The following ZNF385D variants were observed in gnomAD, a reference collection of about 807,000 sequenced individuals.
ZNF385D encodes zinc finger protein 659.
A neutral mutation model predicts 35.8 loss-of-function variants in ZNF385D; 15 were observed. The ratio of observed to expected loss-of-function variants is 0.42; its 90% CI spans 0.28 to 0.64. The LOEUF (loss-of-function observed/expected upper bound fraction) is 0.64, where lower values mean the gene tolerates loss of function less well. ZNF385D is among the 30% of genes least tolerant of loss of function. The pLI is 0.23. For missense variants in ZNF385D, 474 were observed against 494.6 expected (o/e 0.96, Z 0.39); for synonymous variants, 212 against 186.8 (o/e 1.13, Z -1.10).
At chr3:21,714,524 A>T (rs564448739) in intron 1 of ZNF385D, among the ~76,000 whole-genome samples, 112 of 152,296 alleles carry the variant, frequency 7.4e-4, no homozygotes, top group African/African-American at 2.6e-3. Context: ...ATTCCAAGCT[A>T]AGGCCAATCT....
intron 5 of ZNF385D, among the ~76,000 whole-genome samples, chr3:21,431,874 C>G (rs984317288): frequency 5.3e-5 from 8 of 152,092 alleles, no homozygotes; most frequent in African/African-American, 1.9e-4. Flanking sequence ...TCACATGAAG[C>G]AAGTATGTAT....
intron 3 of ZNF385D, among the ~76,000 whole-genome samples, chr3:21,996,045 TGTGCAG>T (rs1305065218): frequency 6.6e-6 from 1 of 152,054 alleles, no homozygotes; most frequent in Non-Finnish European, 1.5e-5. Context: ...AGCTCAGGGA[TGTGCAG>T]GTGCAGGGGC....
At chr3:21,531,910 A>G (rs539943237) in intron 3 of ZNF385D, among the ~76,000 whole-genome samples, 1 of 152,330 alleles carries the variant, frequency 6.6e-6, no homozygotes, top group East Asian at 1.9e-4. Flanking sequence ...ATGATGTGTC[A>G]GTGTAGGTAA....
chr3:22,112,078 A>G (rs982768134), intron 3 of ZNF385D, among the ~76,000 whole-genome samples: 5 of 152,220 alleles, frequency 3.3e-5, no homozygotes, highest in Admixed American at 6.6e-5. Context: ...GAGCACTGAT[A>G]AAGAGCAGTC....
chr3:21,802,328 A>G (rs1383083222), intron 3 of ZNF385D, among the ~76,000 whole-genome samples: 1 of 152,166 alleles, frequency 6.6e-6, no homozygotes, highest in Non-Finnish European at 1.5e-5. Flanking sequence ...ATAAATCCAA[A>G]TATCAAATGG....
chr3:21,811,455 T>C (rs147849870), intron 3 of ZNF385D, among the ~76,000 whole-genome samples: 6 of 152,200 alleles, frequency 3.9e-5, no homozygotes, highest in South Asian at 4.1e-4. Context: ...GAGGGGACAA[T>C]GTTAACAACA....
At chr3:22,066,565 T>C (rs1197437459) in intron 3 of ZNF385D, among the ~76,000 whole-genome samples, 1 of 144,964 alleles carries the variant, frequency 6.9e-6, no homozygotes, top group Non-Finnish European at 1.5e-5. Flanking sequence ...TGTGTGTGTG[T>C]GTGTGTGTGT....
In ZNF385D at chr3:21,647,577, T is replaced by A. The variant is rs147699976; in HGVS notation, c.165+17309A>T. ...CAGTAATATAGCTAATTATGTAATATTGATTGCACAGTTGAATCCCTAAAA... is the reference window on the plus strand; with the variant it reads ...CAGTAATATAGCTAATTATGTAATAATGATTGCACAGTTGAATCCCTAAAA... On this transcript the variant is annotated intron_variant, in intron 2 of 7. Coordinates refer to ENST00000281523, the MANE Select transcript of ZNF385D (RefSeq NM_024697.3). 3.9e-5 allele frequency among the ~76,000 whole-genome samples: 6 copies of A among 152,348 alleles called. No homozygotes were observed. The East Asian group carries it at 1.2e-3, about 29-fold the overall frequency.
intron 3 of ZNF385D, among the ~76,000 whole-genome samples, chr3:21,927,927 T>A (rs1700812809): frequency 6.6e-6 from 1 of 152,082 alleles, no homozygotes; most frequent in African/African-American, 2.4e-5. Flanking sequence ...GGAGATAGAA[T>A]ACTGAAATCA....
intron 2 of ZNF385D, among the ~76,000 whole-genome samples, chr3:22,201,268 T>A (rs756155773): frequency 1.4e-4 from 22 of 152,124 alleles, no homozygotes; most frequent in Non-Finnish European, 2.9e-4. Context: ...GTCCCTTCAT[T>A]TGGGGTCCCT....
intron 3 of ZNF385D, among the ~76,000 whole-genome samples, chr3:21,785,549 C>CT (rs1203598139): frequency 7.9e-5 from 12 of 152,212 alleles, no homozygotes; most frequent in African/African-American, 2.4e-4. Context: ...TTAACCATCA[C>CT]TCACCTTCCT....
At chr3:21,654,746 A>G (rs994617279) in intron 2 of ZNF385D, among the ~76,000 whole-genome samples, 2 of 152,078 alleles carry the variant, frequency 1.3e-5, no homozygotes, top group Admixed American at 6.6e-5. Flanking sequence ...CAAAGATGTG[A>G]AATTACTCTG....
At chr3:22,011,494 T>C (rs1351735468) in intron 3 of ZNF385D, among the ~76,000 whole-genome samples, 1 of 152,128 alleles carries the variant, frequency 6.6e-6, no homozygotes, top group Non-Finnish European at 1.5e-5. Context: ...ACTATCATGA[T>C]ATTTAATGGA....
At chr3:22,357,114 A>G (rs1273279174) in intron 2 of ZNF385D, among the ~76,000 whole-genome samples, 1 of 151,960 alleles carries the variant, frequency 6.6e-6, no homozygotes, top group Non-Finnish European at 1.5e-5. Context: ...ATAATTACAT[A>G]GTACTTTTCC....
intron 2 of ZNF385D, among the ~76,000 whole-genome samples, chr3:22,316,087 G>A (rs1703870902): frequency 6.6e-6 from 1 of 152,106 alleles, no homozygotes; most frequent in Non-Finnish European, 1.5e-5. Flanking sequence ...ACCCCACCCT[G>A]CATCTGTGAC....
chr3:21,794,130 G>A (rs1260998157), intron 3 of ZNF385D, among the ~76,000 whole-genome samples: 1 of 152,094 alleles, frequency 6.6e-6, no homozygotes, highest in Admixed American at 6.6e-5. Flanking sequence ...TATGTGCGTA[G>A]CAAAATTTCT....
At chr3:22,012,124 C>G (rs75031339) in intron 3 of ZNF385D, among the ~76,000 whole-genome samples, 2,178 of 152,254 alleles carry the variant, frequency 0.014, 30 homozygotes, top group Middle Eastern at 0.041. Flanking sequence ...CTTTCTGGAT[C>G]AATTAGTAAT....
At chr3:21,977,867 T>C (rs1703734057) in intron 3 of ZNF385D, among the ~76,000 whole-genome samples, 1 of 151,898 alleles carries the variant, frequency 6.6e-6, no homozygotes. Flanking sequence ...ACAAAAAAGA[T>C]GATTCAATAG....
At chr3:22,288,445 TTTTG>T (rs1427145801) in intron 2 of ZNF385D, among the ~76,000 whole-genome samples, 2 of 142,148 alleles carry the variant, frequency 1.4e-5, no homozygotes, top group Non-Finnish European at 3.0e-5. Flanking sequence ...TTTATTTCTT[TTTTG>T]TTTAAGTGGA....
Sources: gnomAD v4.1 joint callset for allele counts (sites outside exome capture counted in the v4.1 genomes callset) on GRCh38, gnomAD v4.1.1 for gene constraint, MANE v1.5 for transcripts, NCBI Gene and HGNC (gene_info 2026-07-23, HGNC 2026-07-21) for gene names.